Variants in TFDP1 observed in about 807,000 individuals in gnomAD.
The protein encoded by TFDP1 is DRTF1-polypeptide 1.
TFDP1 carries 6 observed loss-of-function variants against 48.0 expected under a neutral mutation model. The observed-to-expected ratio is 0.13, with a 90% confidence interval of 0.07 to 0.25. TFDP1 has a LOEUF of 0.25. TFDP1 is among the 10% of genes least tolerant of loss of function. The pLI is 1.00. For synonymous variants in TFDP1, 201 were observed against 211.6 expected (o/e 0.95, Z 0.44); for missense variants, 335 against 543.0 (o/e 0.62, Z 3.81).
chr13:113,586,934 G>A (rs1459198739), intron 2 of TFDP1, among the ~76,000 whole-genome samples: 3 of 152,190 alleles, frequency 2.0e-5, no homozygotes, highest in East Asian at 1.9e-4. Context: ...GACCTCGTGC[G>A]GGCATGCACT....
chr13:113,623,289 A>G lies in TFDP1; in HGVS notation c.186+3A>G. On this transcript the variant is annotated splice_donor_region_variant and intron_variant, in intron 4 of 11. Transcript: ENST00000375370. The surrounding 1 kb of genome is among the most constrained non-coding windows in gnomAD (Gnocchi z 5.2). ...ATGTCAACATTGCCCAGCAAGTGGTAAGCCTCCCGCAGGAGCGGACAGCCG... is the reference window on the plus strand; with the variant it reads ...ATGTCAACATTGCCCAGCAAGTGGTGAGCCTCCCGCAGGAGCGGACAGCCG... 3 of 1,607,534 alleles carry G rather than the reference A, an allele frequency of 1.9e-6. No individual in the cohort carries two copies. Among genetic ancestry groups the G allele is most frequent in the Non-Finnish European group, 2.5e-6 (3 of 1,177,076 alleles).
chr13:113,585,629 G>A (rs1244056310), intron 1 of TFDP1, 145 bp from the exon 2 acceptor site: 4 of 500,078 alleles, frequency 8.0e-6, no homozygotes, highest in African/African-American at 7.7e-5. Flanking sequence ...TGTGGGAGTC[G>A]GTTTGGCCAG....
intron 11 of TFDP1, among the ~76,000 whole-genome samples, chr13:113,638,458 G>T (rs1354092003): frequency 6.6e-6 from 1 of 151,336 alleles, no homozygotes; most frequent in Non-Finnish European, 1.5e-5. Flanking sequence ...CTGCGGTCTC[G>T]GCGCACGTGC....
intron 8 of TFDP1, among the ~76,000 whole-genome samples, chr13:113,634,816 T>C (rs1227835391): frequency 7.2e-6 from 1 of 139,050 alleles, no homozygotes; most frequent in African/African-American, 2.8e-5. Flanking sequence ...TGTGTGTGCG[T>C]GCATGCATGC....
chr13:113,609,103 C>A (rs754235663), intron 2 of TFDP1, among the ~76,000 whole-genome samples: 3 of 152,238 alleles, frequency 2.0e-5, no homozygotes, highest in Non-Finnish European at 4.4e-5. Context: ...TAGCCCTCTG[C>A]GGGGCCTGTG....
intron 10 of TFDP1, 46 bp from the exon 11 acceptor site, chr13:113,637,772 T>G: frequency 6.2e-7 from 1 of 1,614,196 alleles, no homozygotes; most frequent in African/African-American, 1.3e-5. Context: ...GCGTCTTGTG[T>G]TGTTTCTGTT....
Position 113,584,829 on chromosome 13 carries a change from C to G in TFDP1, c.-124C>G, listed in dbSNP as rs1239851952. 1 of 146,336 alleles carries G rather than the reference C, an allele frequency of 6.8e-6. No homozygotes were observed. Among genetic ancestry groups the G allele is most frequent in the African/African-American group, 2.5e-5 (1 of 40,780 alleles). The allele number at this position is 146,336 out of a possible 1,614,324, so 9.1% of individuals were successfully genotyped here. A position where few individuals can be genotyped will look rare whatever the true frequency, so the allele number is the denominator to read the frequency against. Reference sequence around the variant, plus strand: ...CCAGCCCGCGCCTCTCCGCGCCGCCCCGCGCTCCGCACCGCGCCCTCTCCG... The same window carrying G: ...CCAGCCCGCGCCTCTCCGCGCCGCCGCGCGCTCCGCACCGCGCCCTCTCCG... On this transcript the variant is annotated 5_prime_UTR_variant, in exon 1 of 12. Transcript: ENST00000375370.
intron 4 of TFDP1, among the ~76,000 whole-genome samples, chr13:113,625,031 GTTTCTCAGGTGTC>G (rs2049100313): frequency 1.5e-5 from 2 of 131,980 alleles, no homozygotes; most frequent in Non-Finnish European, 3.2e-5. Flanking sequence ...GTCCTCAGGT[GTTTCTCAGGTGTC>G]TCTCACGTGT....
chr13:113,602,685 C>G lies in TFDP1; in HGVS notation c.13-8311C>G, dbSNP rs530703767. On this transcript the variant is annotated intron_variant, in intron 2 of 11. Transcript: ENST00000375370. ...CTGTTGCGTAGGCAGAGTTGAGTGG[C>G]TGTGACAGAGACTGGGTGACCCTCA... 1.6e-4 allele frequency among the ~76,000 whole-genome samples: 24 copies of G among 152,306 alleles called. 1 individual carries two copies. The South Asian group carries it at 3.3e-3, about 21-fold the overall frequency.
chr13:113,584,738 C>T (rs1026958084), upstream of TFDP1: 11 of 146,988 alleles, frequency 7.5e-5, no homozygotes, highest in African/African-American at 2.7e-4. Flanking sequence ...AGGGTGAGCC[C>T]CGCGTCCCGG....
In TFDP1 at chr13:113,623,888, G is replaced by A. The variant is rs929864714; in HGVS notation, c.186+602G>A. Among the ~76,000 whole-genome samples, 5 of 152,178 alleles carry A rather than the reference G, an allele frequency of 3.3e-5. No individual in the cohort carries two copies. The highest frequency in any genetic ancestry group is 4.8e-5 in the African/African-American group (2 of 41,444). ...TTCCTGTCTCGTGTCCGCCCTCTGC[G>A]TCCTTGCCGGTGGCAGCCTACTGGA... On this transcript the variant is annotated intron_variant, in intron 4 of 11. Transcript: ENST00000375370. The surrounding 1 kb of genome is among the most constrained non-coding windows in gnomAD (Gnocchi z 5.2).
intron 8 of TFDP1, 144 bp from the exon 9 acceptor site, chr13:113,635,833 C>A: frequency 1.1e-6 from 1 of 908,932 alleles, no homozygotes. Context: ...AGGTCAGCAC[C>A]CAGCGGCCGG....
intron 3 of TFDP1, 107 bp downstream of exon 3, chr13:113,611,169 T>C (rs1207693410): frequency 3.6e-6 from 4 of 1,124,824 alleles, no homozygotes; most frequent in Non-Finnish European, 5.3e-6. Context: ...TGGCATCTCC[T>C]GCATGGGCAC....
At chr13:113,622,438 C>T (rs1188907247) in intron 3 of TFDP1, among the ~76,000 whole-genome samples, 1 of 152,244 alleles carries the variant, frequency 6.6e-6, no homozygotes, top group African/African-American at 2.4e-5. Flanking sequence ...GTGCTGACCA[C>T]CCAGGCCTCC....
At chr13:113,601,056 G>A (rs1163166321) in intron 2 of TFDP1, among the ~76,000 whole-genome samples, 3 of 152,170 alleles carry the variant, frequency 2.0e-5, no homozygotes, top group Non-Finnish European at 4.4e-5. Flanking sequence ...ACGCTGTCCT[G>A]GATCTTCTCC....
rs577888042 is a variant in TFDP1 at position 113,630,970 on chromosome 13, C to G, written c.187-653C>G. Among the ~76,000 whole-genome samples, 9 of 152,294 alleles carry G rather than the reference C, an allele frequency of 5.9e-5. No homozygotes were observed. In the South Asian group the frequency reaches 1.7e-3, roughly 28 times the overall value. On this transcript the variant is annotated intron_variant, in intron 4 of 11. Transcript: ENST00000375370. ...GCGTGTGGAGCCCCTACCTTCCGCC[C>G]CCAGTGCTGGTGGCCCTCCCTCCTT...
rs2049446200 is a variant in TFDP1 at position 113,634,999 on chromosome 13, G to T, written c.687+397G>T. ...ATAGGCAAAAGACAGATGGAGGGAT[G>T]ACTTCATGCAAAAGCAACATTTGAA... On this transcript the variant is annotated intron_variant, in intron 8 of 11. Coordinates refer to ENST00000375370, the MANE Select transcript of TFDP1 (RefSeq NM_007111.5). 2.0e-5 allele frequency among the ~76,000 whole-genome samples: 3 copies of T among 152,224 alleles called. No homozygotes were observed. The South Asian group carries it at 6.2e-4, about 31-fold the overall frequency.
intron 4 of TFDP1, among the ~76,000 whole-genome samples, chr13:113,625,706 C>T (rs1162325466): frequency 6.3e-5 from 4 of 63,478 alleles, no homozygotes; most frequent in Admixed American, 2.0e-4. Context: ...GTCTCTCAGG[C>T]GTCTCTCACA....
intron 10 of TFDP1, chr13:113,637,122 G>C (rs769893368): frequency 3.0e-4 from 54 of 179,040 alleles, no homozygotes; most frequent in Non-Finnish European, 5.0e-4. Flanking sequence ...AGTCATTGGC[G>C]TCCTGCTCCG....
Sources: allele counts gnomAD v4.1 joint callset (sites outside exome capture counted in the v4.1 genomes callset), GRCh38; gene constraint gnomAD v4.1.1; non-coding constraint Gnocchi (gnomAD v3.1); transcripts MANE v1.5; gene names NCBI Gene and HGNC (gene_info 2026-07-23, HGNC 2026-07-21).